The following L3MBTL4 variants were observed in gnomAD, a reference collection of about 807,000 sequenced individuals.
L3MBTL4 encodes lethal(3)malignant brain tumor-like protein 4.
A neutral mutation model predicts 84.5 loss-of-function variants in L3MBTL4; 70 were observed. The observed-to-expected ratio is 0.83, with a 90% CI of 0.68 to 1.01. The LOEUF (loss-of-function observed/expected upper bound fraction) is 1.01. L3MBTL4 is among the 50% of genes least tolerant of loss of function. The pLI is 0.00. For missense variants in L3MBTL4, 715 were observed against 754.8 expected, an observed-to-expected ratio of 0.95 and a Z score of 0.62; for synonymous variants, 274 against 259.8, an observed-to-expected ratio of 1.05 and a Z score of -0.52.
At chr18:6,322,139 T>C (rs2051437082) in intron 1 of L3MBTL4, among the ~76,000 whole-genome samples, 1 of 151,944 alleles carries the variant, frequency 6.6e-6, no homozygotes, top group African/African-American at 2.4e-5. Context: ...GGAGAACTGC[T>C]TGAACCTAGC....
At chr18:6,168,287 A>G (rs2043782863) in intron 13 of L3MBTL4, among the ~76,000 whole-genome samples, 1 of 152,208 alleles carries the variant, frequency 6.6e-6, no homozygotes, top group Non-Finnish European at 1.5e-5. Context: ...ATCCCCATCA[A>G]GCTACCAATG....
chr18:6,412,807 G>A (rs967134683), intron 1 of L3MBTL4, among the ~76,000 whole-genome samples: 10 of 151,874 alleles, frequency 6.6e-5, no homozygotes, highest in Non-Finnish European at 1.3e-4. Context: ...AACCACACAG[G>A]TACTGTAATG....
chr18:5,968,409 A>C (rs2052457578), intron 17 of L3MBTL4, among the ~76,000 whole-genome samples: 3 of 152,138 alleles, frequency 2.0e-5, no homozygotes, highest in Admixed American at 2.0e-4. Flanking sequence ...TTAATAACCA[A>C]TATTGAAGCT....
chr18:6,343,371 A>T (rs539419438), intron 1 of L3MBTL4, among the ~76,000 whole-genome samples: 10 of 152,214 alleles, frequency 6.6e-5, no homozygotes, highest in Non-Finnish European at 1.3e-4. Flanking sequence ...AAATTTAAGA[A>T]GTTGTAAATC....
At chr18:5,970,267 T>C (rs1442467054) in intron 16 of L3MBTL4, among the ~76,000 whole-genome samples, 2 of 152,248 alleles carry the variant, frequency 1.3e-5, no homozygotes, top group East Asian at 3.8e-4. Context: ...TGAGCAGCTC[T>C]GAATGTACCA....
At chr18:5,964,511 T>G (rs576630626) in intron 17 of L3MBTL4, among the ~76,000 whole-genome samples, 1 of 135,856 alleles carries the variant, frequency 7.4e-6, no homozygotes, top group South Asian at 2.5e-4. Flanking sequence ...TTTATTTGCC[T>G]TTTTTTTTTC....
intron 12 of L3MBTL4, among the ~76,000 whole-genome samples, chr18:6,196,938 C>T (rs1168459665): frequency 2.0e-5 from 3 of 152,152 alleles, no homozygotes; most frequent in African/African-American, 7.2e-5. Flanking sequence ...ACAGAAGAAC[C>T]TTGACAGATA....
intron 13 of L3MBTL4, among the ~76,000 whole-genome samples, chr18:6,170,161 C>T (rs1460726013): frequency 1.3e-5 from 2 of 152,086 alleles, no homozygotes; most frequent in Non-Finnish European, 2.9e-5. Flanking sequence ...AACTGAGATT[C>T]AAAGCCCAGC....
chr18:6,194,290 C>G (rs535249080), intron 12 of L3MBTL4, among the ~76,000 whole-genome samples: 105 of 152,258 alleles, frequency 6.9e-4, no homozygotes, highest in Non-Finnish European at 1.2e-3. Flanking sequence ...GCGAGGGAGT[C>G]TGAATGAGCC....
chr18:6,138,180 A>G lies in L3MBTL4; in HGVS notation c.1199+14T>C. On this transcript the variant is annotated intron_variant, in intron 14 of 18. Coordinates refer to ENST00000317931, the MANE Select transcript of L3MBTL4 (RefSeq NM_001330559.2). The stretch of plus-strand genomic sequence containing the variant: ...CATTCATCCAGGAAATAACTTAAAT[A>G]AGAAAAATGTTACCTGTGATGTCCC... 6.4e-7 allele frequency: 1 copy of G among 1,569,028 alleles called. No individual in the cohort carries two copies. Among genetic ancestry groups the G allele is most frequent in the Non-Finnish European group, 8.7e-7 (1 of 1,142,870 alleles).
At chr18:6,147,593 G>A (rs2042710196) in intron 13 of L3MBTL4, among the ~76,000 whole-genome samples, 1 of 152,158 alleles carries the variant, frequency 6.6e-6, no homozygotes, top group African/African-American at 2.4e-5. Flanking sequence ...AGTAGAGAAA[G>A]GCAATCTAAC....
At chr18:5,984,548 T>C (rs2053383854) in intron 16 of L3MBTL4, among the ~76,000 whole-genome samples, 1 of 152,346 alleles carries the variant, frequency 6.6e-6, no homozygotes, top group Admixed American at 6.5e-5. Flanking sequence ...ATGCAGGAAA[T>C]TCTTCAGATA....
chr18:6,209,445 C>CAAAAAAAAAAAAAAAAAAAAAAAAAAAA (rs60613997), intron 12 of L3MBTL4, among the ~76,000 whole-genome samples: 1 of 113,996 alleles, frequency 8.8e-6, no homozygotes. Flanking sequence ...ACTAAACTGG[C>CAAAAAAAAAAAAAAAAAAAAAAAAAAAA]AAAAAAAAAA....
intron 4 of L3MBTL4, among the ~76,000 whole-genome samples, chr18:6,276,798 T>C (rs1233632031): frequency 6.6e-6 from 1 of 150,494 alleles, no homozygotes; most frequent in Non-Finnish European, 1.5e-5. Flanking sequence ...AGAAAAGAAA[T>C]AGGAAATGCT....
chr18:6,412,104 A>G (rs2055991621), intron 1 of L3MBTL4, among the ~76,000 whole-genome samples: 1 of 152,078 alleles, frequency 6.6e-6, no homozygotes, highest in African/African-American at 2.4e-5. Flanking sequence ...TATTAAGCCT[A>G]GTATCCATTA....
chr18:5,983,111 A>G (rs1450890281), intron 16 of L3MBTL4, among the ~76,000 whole-genome samples: 1 of 152,216 alleles, frequency 6.6e-6, no homozygotes, highest in African/African-American at 2.4e-5. Flanking sequence ...ACGAGGAAAC[A>G]CAGTCTTGTA....
intron 1 of L3MBTL4, among the ~76,000 whole-genome samples, chr18:6,340,661 CA>C (rs35622759): frequency 0.071 from 10,807 of 152,192 alleles, 504 homozygotes; most frequent in Non-Finnish European, 0.1. Context: ...CAAACTCCAC[CA>C]AGAGACTCAC....
intron 11 of L3MBTL4, 131 bp downstream of exon 11, chr18:6,215,619 G>A (rs978975512): frequency 6.1e-6 from 3 of 487,988 alleles, no homozygotes; most frequent in South Asian, 4.7e-5. Context: ...TAAAAGAAAA[G>A]CATATTGGTT....
intron 4 of L3MBTL4, among the ~76,000 whole-genome samples, chr18:6,275,601 G>A (rs1244432024): frequency 1.3e-5 from 2 of 152,176 alleles, no homozygotes; most frequent in Non-Finnish European, 2.9e-5. Context: ...AGTTTGTGAT[G>A]AGGACGAGGC....
Sources: gnomAD v4.1 joint callset for allele counts (sites outside exome capture counted in the v4.1 genomes callset) on GRCh38, gnomAD v4.1.1 for gene constraint, MANE v1.5 for transcripts, NCBI Gene and HGNC (gene_info 2026-07-23, HGNC 2026-07-21) for gene names.